The following MAP3K13 variants were observed in gnomAD, a reference collection of about 807,000 sequenced individuals.
MAP3K13 encodes the protein leucine zipper-bearing kinase.
In MAP3K13, 52 loss-of-function variants were observed where a neutral mutation model predicts 104.0. The observed-to-expected ratio is 0.50, with a 90% CI of 0.40 to 0.63. The LOEUF (loss-of-function observed/expected upper bound fraction) is 0.63. Ranked by LOEUF, MAP3K13 falls within the 20% of genes least tolerant of loss-of-function variation. MAP3K13 has a pLI of 0.00. For missense variants in MAP3K13, 914 were observed against 1,218.5 expected, an observed-to-expected ratio of 0.75 and a Z score of 3.72; for synonymous variants, 394 against 442.2, an observed-to-expected ratio of 0.89 and a Z score of 1.37.
chr3:185,424,765 T>C (rs1289816762), intron 1 of MAP3K13, among the ~76,000 whole-genome samples: 1 of 152,216 alleles, frequency 6.6e-6, no homozygotes, highest in East Asian at 1.9e-4. Flanking sequence ...ATAGTAATGG[T>C]AACAGTAACG....
At chr3:185,401,898 G>A (rs917598945) in intron 1 of MAP3K13, among the ~76,000 whole-genome samples, 24 of 152,078 alleles carry the variant, frequency 1.6e-4, no homozygotes, top group Admixed American at 9.8e-4. Context: ...CTTATGGAGC[G>A]ACCTCTTACC....
chr3:185,326,846 G>C (rs564444959), intron 2 of MAP3K13, among the ~76,000 whole-genome samples: 1 of 152,154 alleles, frequency 6.6e-6, no homozygotes, highest in Non-Finnish European at 1.5e-5. Flanking sequence ...ATTTATAAAA[G>C]TACAGCACCC....
upstream of MAP3K13, among the ~76,000 whole-genome samples, chr3:185,361,802 G>T (rs1312931126): frequency 1.3e-5 from 2 of 152,098 alleles, no homozygotes; most frequent in African/African-American, 4.8e-5. Context: ...AAACTTCTTT[G>T]GTCTATCTTT....
chr3:185,437,192 A>G (rs910532615), intron 2 of MAP3K13, among the ~76,000 whole-genome samples: 1 of 151,866 alleles, frequency 6.6e-6, no homozygotes, highest in African/African-American at 2.4e-5. Context: ...GAGTGGTAGG[A>G]TATGTTTTAT....
intron 7 of MAP3K13, among the ~76,000 whole-genome samples, chr3:185,457,216 G>A (rs1716813780): frequency 6.6e-6 from 1 of 152,114 alleles, no homozygotes; most frequent in Non-Finnish European, 1.5e-5. Context: ...CTCAGAAAAG[G>A]TTGTCTTGGG....
At chr3:185,420,786 A>G (rs551728114) in intron 1 of MAP3K13, among the ~76,000 whole-genome samples, 1 of 152,344 alleles carries the variant, frequency 6.6e-6, no homozygotes, top group Admixed American at 6.5e-5. Context: ...GTAACATGGG[A>G]AAAATTGTAT....
intron 2 of MAP3K13, among the ~76,000 whole-genome samples, chr3:185,321,194 T>C (rs780584043): frequency 4.0e-5 from 6 of 150,134 alleles, no homozygotes; most frequent in Non-Finnish European, 8.8e-5. Flanking sequence ...CACATGTGTA[T>C]ATTATATATG....
intron 1 of MAP3K13, among the ~76,000 whole-genome samples, chr3:185,405,049 A>C (rs1323609284): frequency 6.6e-6 from 1 of 152,162 alleles, no homozygotes; most frequent in Non-Finnish European, 1.5e-5. Flanking sequence ...CTAGCAATGC[A>C]TTTCAGTACA....
chr3:185,419,546 G>C (rs1714002185), intron 1 of MAP3K13, among the ~76,000 whole-genome samples: 1 of 152,106 alleles, frequency 6.6e-6, no homozygotes, highest in Non-Finnish European at 1.5e-5. Flanking sequence ...AATAACCACT[G>C]TTGACCTTTT....
intron 2 of MAP3K13, among the ~76,000 whole-genome samples, chr3:185,331,045 C>G (rs1722249028): frequency 6.6e-6 from 1 of 151,756 alleles, no homozygotes; most frequent in Non-Finnish European, 1.5e-5. Flanking sequence ...AAATGGCACC[C>G]TACTCCACTT....
At chr3:185,295,174 T>C (rs1577400049) in intron 2 of MAP3K13, among the ~76,000 whole-genome samples, 1 of 152,174 alleles carries the variant, frequency 6.6e-6, no homozygotes, top group African/African-American at 2.4e-5. Flanking sequence ...CATTTTTTTT[T>C]CTTCAGGGTA....
At chr3:185,441,148 A>G (rs975924069) in intron 3 of MAP3K13, among the ~76,000 whole-genome samples, 1 of 152,234 alleles carries the variant, frequency 6.6e-6, no homozygotes, top group Admixed American at 6.5e-5. Flanking sequence ...GATTAGGACA[A>G]GTCACTTTCT....
At chr3:185,397,967 C>T (rs1385085390) in intron 1 of MAP3K13, among the ~76,000 whole-genome samples, 2 of 152,128 alleles carry the variant, frequency 1.3e-5, no homozygotes, top group Admixed American at 1.3e-4. Context: ...GAACTGGCAA[C>T]CTTTCTGTCT....
At chr3:185,474,121 G>A (rs963142136) in intron 11 of MAP3K13, among the ~76,000 whole-genome samples, 10 of 152,056 alleles carry the variant, frequency 6.6e-5, no homozygotes, top group East Asian at 1.9e-4. Flanking sequence ...TCAAGAGTTC[G>A]AGACCATCCT....
intron 7 of MAP3K13, among the ~76,000 whole-genome samples, chr3:185,455,070 G>A (rs201099369): frequency 2.1e-5 from 2 of 93,594 alleles, no homozygotes; most frequent in Non-Finnish European, 4.2e-5. Flanking sequence ...AGATATATAT[G>A]AGATATATGT....
chr3:185,463,399 T>C, intron 7 of MAP3K13, 151 bp from the exon 8 acceptor site: 1 of 535,902 alleles, frequency 1.9e-6, no homozygotes, highest in Non-Finnish European at 3.5e-6. Context: ...GATATTTTGC[T>C]ATTAATCAAA....
chr3:185,335,956 T>C (rs1458383178), intron 2 of MAP3K13, among the ~76,000 whole-genome samples: 1 of 152,106 alleles, frequency 6.6e-6, no homozygotes, highest in East Asian at 1.9e-4. Flanking sequence ...TAGTTCCTAA[T>C]GGCTTGAAGG....
chr3:185,449,774 T>C, intron 5 of MAP3K13, 126 bp from the exon 6 acceptor site: 1 of 773,194 alleles, frequency 1.3e-6, no homozygotes, highest in Non-Finnish European at 1.9e-6. Flanking sequence ...TTTCTGTTTT[T>C]CTTATAGCAG....
At chr3:185,468,081 C>T (rs1717559435) in intron 10 of MAP3K13, among the ~76,000 whole-genome samples, 1 of 152,090 alleles carries the variant, frequency 6.6e-6, no homozygotes, top group Non-Finnish European at 1.5e-5. Context: ...TGATGCGAAA[C>T]CATTCATGAG....
Sources: allele counts gnomAD v4.1 joint callset (sites outside exome capture counted in the v4.1 genomes callset), GRCh38; gene constraint gnomAD v4.1.1; transcripts MANE v1.5; gene names NCBI Gene and HGNC (gene_info 2026-07-23, HGNC 2026-07-21).